The following GMDS variants were observed in gnomAD, a reference collection of about 807,000 sequenced individuals.
The protein encoded by GMDS is GDP-mannose 4,6-dehydratase.
GMDS carries 20 observed loss-of-function variants against 49.9 expected under a neutral mutation model. The observed-to-expected ratio is 0.40, with a 90% CI of 0.28 to 0.58. The LOEUF (loss-of-function observed/expected upper bound fraction) is 0.58. Ranked by LOEUF, GMDS falls within the 20% of genes least tolerant of loss-of-function variation. GMDS has a pLI of 0.42. For missense variants in GMDS, 362 were observed against 481.4 expected, an observed-to-expected ratio of 0.75 and a Z score of 2.32; for synonymous variants, 177 against 178.6, an observed-to-expected ratio of 0.99 and a Z score of 0.07.
intron 6 of GMDS, among the ~76,000 whole-genome samples, chr6:1,944,484 G>A (rs572968930): frequency 5.1e-4 from 76 of 150,332 alleles, no homozygotes; most frequent in African/African-American, 1.8e-3. Context: ...TAGCCTGGGC[G>A]ACAGAGCCAG....
intron 1 of GMDS, among the ~76,000 whole-genome samples, chr6:2,202,863 G>C (rs958819507): frequency 1.3e-5 from 2 of 152,184 alleles, no homozygotes; most frequent in Non-Finnish European, 2.9e-5. Flanking sequence ...GTTCCAGATT[G>C]TGAGCTTGGT....
At chr6:1,837,903 G>A (rs1224307299) in intron 7 of GMDS, among the ~76,000 whole-genome samples, 3 of 152,174 alleles carry the variant, frequency 2.0e-5, no homozygotes, top group East Asian at 1.9e-4. Context: ...AGGAGGACTA[G>A]GGGGACACTG....
intron 7 of GMDS, among the ~76,000 whole-genome samples, chr6:1,788,827 T>A (rs916247568): frequency 7.2e-5 from 11 of 152,236 alleles, no homozygotes; most frequent in African/African-American, 2.4e-4. Context: ...CACCCTTTCA[T>A]TTTCCTCTAT....
chr6:1,725,530 T>C (rs1377410463), intron 9 of GMDS, among the ~76,000 whole-genome samples: 4 of 151,856 alleles, frequency 2.6e-5, no homozygotes, highest in African/African-American at 9.7e-5. Context: ...GCCTCCTGGG[T>C]TCAAGCGATT....
chr6:1,801,569 C>T (rs1163598746), intron 7 of GMDS, among the ~76,000 whole-genome samples: 10 of 152,258 alleles, frequency 6.6e-5, no homozygotes, highest in Non-Finnish European at 1.2e-4. Flanking sequence ...CCCACCCCAC[C>T]TCACTCCCGT....
At chr6:2,082,550 T>C (rs1192255986) in intron 4 of GMDS, among the ~76,000 whole-genome samples, 2 of 152,222 alleles carry the variant, frequency 1.3e-5, no homozygotes, top group Admixed American at 6.5e-5. Flanking sequence ...TGCATTTCTT[T>C]GATCAAAAAT....
intron 7 of GMDS, among the ~76,000 whole-genome samples, chr6:1,868,207 G>A (rs959493062): frequency 5.3e-5 from 8 of 151,992 alleles, no homozygotes; most frequent in African/African-American, 1.9e-4. Context: ...GGCTGGTCTC[G>A]AACTCCTGAC....
At chr6:2,231,505 A>G (rs1483819960) in intron 1 of GMDS, among the ~76,000 whole-genome samples, 15 of 152,198 alleles carry the variant, frequency 9.9e-5, no homozygotes, top group Admixed American at 9.8e-4. Flanking sequence ...CGGAGGTTGC[A>G]GTGAGCTGAG....
chr6:1,937,972 G>T (rs1033480431), intron 6 of GMDS, among the ~76,000 whole-genome samples: 2 of 152,024 alleles, frequency 1.3e-5, no homozygotes, highest in Admixed American at 1.3e-4. Context: ...TTTGAGATCA[G>T]CCTGGGCAAC....
chr6:1,699,428 C>T (rs11242716), intron 9 of GMDS, among the ~76,000 whole-genome samples: 13,210 of 151,868 alleles, frequency 0.087, 922 homozygotes, highest in East Asian at 0.31. Context: ...GGAGCCAGTC[C>T]AGCCTAACAC....
At chr6:1,873,574 T>C (rs1308867843) in intron 7 of GMDS, among the ~76,000 whole-genome samples, 2 of 152,146 alleles carry the variant, frequency 1.3e-5, no homozygotes, top group Admixed American at 1.3e-4. Flanking sequence ...TTGTCCACAA[T>C]ATTCAGGCAG....
chr6:2,240,529 G>T (rs1227096981), intron 1 of GMDS, among the ~76,000 whole-genome samples: 2 of 151,036 alleles, frequency 1.3e-5, no homozygotes, highest in Non-Finnish European at 2.9e-5. Flanking sequence ...ATTTGAACCT[G>T]GAAGGTAGAG....
chr6:1,652,684 T>A lies in GMDS; in HGVS notation c.988-28144A>T, dbSNP rs182774163. Reference sequence around the variant, plus strand: ...ATATAATATATATAATATATATTATTTATATATAATATATTATATATATAT... The same window carrying A: ...ATATAATATATATAATATATATTATATATATATAATATATTATATATATAT... On this transcript the variant is annotated intron_variant, in intron 9 of 10. Transcript: ENST00000380815. 3.8e-3 allele frequency among the ~76,000 whole-genome samples: 51 copies of A among 13,324 alleles called. 16 individuals carry two copies. Among genetic ancestry groups the A allele is most frequent in the East Asian group, 0.013 (2 of 158 alleles). The allele number at this position is 13,324 out of a possible 152,430, so 8.7% of individuals were successfully genotyped here.
At chr6:2,108,168 T>C (rs1774347112) in intron 4 of GMDS, among the ~76,000 whole-genome samples, 1 of 152,222 alleles carries the variant, frequency 6.6e-6, no homozygotes, top group Admixed American at 6.5e-5. Context: ...GAAATATTTA[T>C]TTTTAGATCT....
chr6:1,636,495 G>C (rs562583805), intron 9 of GMDS, among the ~76,000 whole-genome samples: 1 of 152,204 alleles, frequency 6.6e-6, no homozygotes, highest in Non-Finnish European at 1.5e-5. Context: ...ACAAGGAAGC[G>C]TGCAGCATGA....
chr6:1,894,499 A>G (rs1760050736), intron 7 of GMDS, among the ~76,000 whole-genome samples: 1 of 152,236 alleles, frequency 6.6e-6, no homozygotes, highest in South Asian at 2.1e-4. Flanking sequence ...AATAATGAAT[A>G]CTGGTATTAA....
In GMDS at chr6:1,884,531, T is replaced by C. The variant is rs17133008; in HGVS notation, c.771+45572A>G. ...GGGGAATGTGAAAACTTCGCAGATA[T>C]TAGCATTTATTTTTGAGGCTAACAT... On this transcript the variant is annotated intron_variant, in intron 7 of 10. Coordinates refer to ENST00000380815, the MANE Select transcript of GMDS (RefSeq NM_001500.4). Among the ~76,000 whole-genome samples, 818 of 152,318 alleles carry C rather than the reference T, an allele frequency of 5.4e-3. 3 individuals carry two copies. The highest frequency in any genetic ancestry group is 0.019 in the African/African-American group (795 of 41,580).
At chr6:1,914,982 G>A (rs539771000) in intron 7 of GMDS, among the ~76,000 whole-genome samples, 2 of 152,356 alleles carry the variant, frequency 1.3e-5, no homozygotes, top group South Asian at 2.1e-4. Context: ...CTGCAAGTCA[G>A]GCAGTGGCCA....
intron 7 of GMDS, among the ~76,000 whole-genome samples, chr6:1,821,263 A>T (rs1405018483): frequency 6.6e-6 from 1 of 152,046 alleles, no homozygotes; most frequent in African/African-American, 2.4e-5. Context: ...GGTCTCCCGG[A>T]GGTTCTGAGA....
Sources: gnomAD v4.1 joint callset for allele counts (sites outside exome capture counted in the v4.1 genomes callset) on GRCh38, gnomAD v4.1.1 for gene constraint, MANE v1.5 for transcripts, NCBI Gene and HGNC (gene_info 2026-07-23, HGNC 2026-07-21) for gene names.